Variants in CNBD1 observed in about 807,000 individuals in gnomAD.
CNBD1 encodes cyclic nucleotide binding domain containing 1.
In CNBD1, 71 loss-of-function variants were observed where a neutral mutation model predicts 54.4. That is an observed-to-expected ratio of 1.30 (90% CI 1.08 to 1.59). The LOEUF (loss-of-function observed/expected upper bound fraction) is 1.59. Ranked by LOEUF, CNBD1 falls within the 40% of genes most tolerant of loss-of-function variation. The pLI, the probability that CNBD1 is intolerant of heterozygous loss-of-function variation, is 0.00. For missense variants in CNBD1, 659 were observed against 518.0 expected, an observed-to-expected ratio of 1.27 and a Z score of -2.64; for synonymous variants, 182 against 170.7, an observed-to-expected ratio of 1.07 and a Z score of -0.51.
intron 8 of CNBD1, among the ~76,000 whole-genome samples, chr8:87,334,301 A>G (rs531423278): frequency 2.6e-5 from 4 of 151,464 alleles, no homozygotes; most frequent in Non-Finnish European, 1.5e-5. Context: ...CTAGCAACCT[A>G]TTTTTTAATT....
At chr8:87,210,339 G>A (rs1009518549) in intron 5 of CNBD1, among the ~76,000 whole-genome samples, 10 of 152,278 alleles carry the variant, frequency 6.6e-5, no homozygotes, top group African/African-American at 1.9e-4. Flanking sequence ...GCTATTATGG[G>A]TGGAAGAATC....
At chr8:86,887,479 T>C in intron 1 of CNBD1, 63 bp from the exon 2 acceptor site, 2 of 1,028,444 alleles carry the variant, frequency 1.9e-6, no homozygotes, top group South Asian at 2.9e-5. Flanking sequence ...TTAAACTCTA[T>C]TTACACACTT....
chr8:86,960,889 C>G (rs1242806965), intron 4 of CNBD1, among the ~76,000 whole-genome samples: 3 of 152,294 alleles, frequency 2.0e-5, no homozygotes, highest in Non-Finnish European at 4.4e-5. Context: ...GAGTGGACCT[C>G]CAGCAAACTC....
At chr8:87,201,350 T>C (rs1456017367) in intron 4 of CNBD1, among the ~76,000 whole-genome samples, 1 of 152,206 alleles carries the variant, frequency 6.6e-6, no homozygotes, top group Non-Finnish European at 1.5e-5. Flanking sequence ...TGGCCACTTA[T>C]ATGTAACATT....
chr8:87,080,376 G>A (rs1810965093), intron 4 of CNBD1, among the ~76,000 whole-genome samples: 1 of 152,016 alleles, frequency 6.6e-6, no homozygotes, highest in African/African-American at 2.4e-5. Context: ...AAGGTCAGGA[G>A]TTTGAGACCA....
chr8:87,417,423 C>T lies in CNBD1; in HGVS notation c.214-11123C>T, dbSNP rs183459482. Among the ~76,000 whole-genome samples the T allele has an allele frequency of 3.3e-4, 50 of 151,914 alleles. No individual in the cohort carries two copies. The Middle Eastern group carries it at 0.01, about 31-fold the overall frequency. On this transcript the variant is annotated intron_variant, in intron 2 of 7. Coordinates refer to the CNBD1 transcript ENST00000521593. ...CATATTACCCACATGATCTCTTTGA[C>T]GATAAAAAGTACTGACAGAACTGGA...
At chr8:87,353,587 T>C in intron 9 of CNBD1, 49 bp from the exon 10 acceptor site, 1 of 1,207,798 alleles carries the variant, frequency 8.3e-7, no homozygotes, top group South Asian at 1.4e-5. Context: ...TACTGATTCA[T>C]TATATGGAAG....
rs144430046 is a variant in CNBD1, at chr8:86,952,047, G to C, written c.431+12293G>C. Among the ~76,000 whole-genome samples, 10 of 152,272 alleles carry C rather than the reference G, an allele frequency of 6.6e-5. No individual in the cohort carries two copies. The East Asian group carries it at 1.9e-3, about 29-fold the overall frequency. On this transcript the variant is annotated intron_variant, in intron 4 of 10. Transcript: ENST00000518476. ...ATATCTAATTGCTTCCTTTGGAAAG[G>C]AATCAGAAATTCAAAATAATATAAC... is the stretch of plus-strand genomic sequence containing the variant.
chr8:87,224,391 C>T (rs1439960500), intron 5 of CNBD1, among the ~76,000 whole-genome samples: 1 of 151,612 alleles, frequency 6.6e-6, no homozygotes, highest in African/African-American at 2.4e-5. Flanking sequence ...ATGTTTAAGT[C>T]TTTAATCCAT....
intron 3 of CNBD1, among the ~76,000 whole-genome samples, chr8:86,923,876 A>G (rs1809316112): frequency 6.6e-6 from 1 of 152,188 alleles, no homozygotes; most frequent in Non-Finnish European, 1.5e-5. Flanking sequence ...AACTGCTGAA[A>G]GGGAGAGCTT....
intron 5 of CNBD1, among the ~76,000 whole-genome samples, chr8:87,213,502 C>G (rs1189243960): frequency 6.6e-6 from 1 of 152,042 alleles, no homozygotes; most frequent in Non-Finnish European, 1.5e-5. Flanking sequence ...GAATGAGACC[C>G]AAGTGAAAGG....
At chr8:87,225,837 C>G (rs1814472567) in intron 5 of CNBD1, among the ~76,000 whole-genome samples, 1 of 145,940 alleles carries the variant, frequency 6.9e-6, no homozygotes, top group Admixed American at 6.7e-5. Context: ...CCTTGTACCT[C>G]TGGTAGAATT....
intron 6 of CNBD1, among the ~76,000 whole-genome samples, chr8:87,238,916 T>C (rs1372846906): frequency 6.6e-6 from 1 of 152,076 alleles, no homozygotes; most frequent in African/African-American, 2.4e-5. Context: ...TATGCCATGG[T>C]CCTTATAAAT....
chr8:86,896,385 A>G lies in CNBD1; in HGVS notation c.159-8696A>G, dbSNP rs1052447472. ...GCATTGAATCTGTATATTGGTTTGG[A>G]TAATATGAACATTCTAACAATATTA... is the stretch of plus-strand genomic sequence containing the variant. On this transcript the variant is annotated intron_variant, in intron 2 of 10. Transcript: ENST00000518476. 1.2e-4 allele frequency among the ~76,000 whole-genome samples: 19 copies of G among 152,120 alleles called. 1 individual carries two copies. The highest frequency in any genetic ancestry group is 2.4e-4 in the Non-Finnish European group (16 of 67,994).
intron 10 of CNBD1, 113 bp downstream of exon 10, chr8:87,353,899 C>A: frequency 1.5e-6 from 1 of 689,500 alleles, no homozygotes; most frequent in Non-Finnish European, 2.4e-6. Flanking sequence ...TGGGGTTCAC[C>A]TGCAAAGGAT....
intron 4 of CNBD1, among the ~76,000 whole-genome samples, chr8:86,944,119 T>C (rs1056464851): frequency 1.3e-5 from 2 of 152,194 alleles, no homozygotes; most frequent in Non-Finnish European, 1.5e-5. Context: ...GGGCAGCATT[T>C]CAAAAGAGAA....
chr8:87,005,129 A>T (rs973007186), intron 4 of CNBD1, among the ~76,000 whole-genome samples: 1 of 151,836 alleles, frequency 6.6e-6, no homozygotes, highest in Non-Finnish European at 1.5e-5. Flanking sequence ...CACGCTTGTA[A>T]TCCCAGCACT....
intron 8 of CNBD1, among the ~76,000 whole-genome samples, chr8:87,310,524 G>A (rs1420538955): frequency 6.6e-6 from 1 of 152,098 alleles, no homozygotes; most frequent in Non-Finnish European, 1.5e-5. Context: ...TCATAGCTTG[G>A]AAGAATCAGT....
chr8:87,128,228 G>T (rs2130723107), intron 4 of CNBD1, among the ~76,000 whole-genome samples: 1 of 152,302 alleles, frequency 6.6e-6, no homozygotes, highest in Middle Eastern at 3.4e-3. Flanking sequence ...TACCAAGAAG[G>T]CACTGAGCTG....
Sources: allele counts gnomAD v4.1 joint callset (sites outside exome capture counted in the v4.1 genomes callset), GRCh38; gene constraint gnomAD v4.1.1; transcripts MANE v1.5; gene names NCBI Gene and HGNC (gene_info 2026-07-23, HGNC 2026-07-21).